The following IL26 variants were observed in gnomAD, a reference collection of about 807,000 sequenced individuals.
IL26 encodes the protein interleukin-26.
IL26 carries 23 observed loss-of-function variants against 21.7 expected under a neutral mutation model. The ratio of observed to expected loss-of-function variants is 1.06; its 90% CI spans 0.76 to 1.50. IL26 has a LOEUF of 1.50. IL26 is among the 40% of genes most tolerant of loss of function. The pLI is 0.00. For missense variants in IL26, 204 were observed against 196.0 expected, an observed-to-expected ratio of 1.04 and a Z score of -0.24; for synonymous variants, 63 against 67.8, an observed-to-expected ratio of 0.93 and a Z score of 0.34.
intron 3 of IL26, among the ~76,000 whole-genome samples, chr12:68,221,042 C>T (rs768896900): frequency 2.0e-5 from 3 of 152,196 alleles, no homozygotes; most frequent in Non-Finnish European, 4.4e-5. Flanking sequence ...TTTATGCCCT[C>T]AAGTCTCCCC....
At chr12:68,211,656 T>C (rs961383489) in intron 3 of IL26, among the ~76,000 whole-genome samples, 2 of 152,120 alleles carry the variant, frequency 1.3e-5, no homozygotes, top group African/African-American at 2.4e-5. Context: ...ATTAGTGATA[T>C]TGAGTATTTT....
At chr12:68,222,834 T>C (rs759850508) in intron 3 of IL26, among the ~76,000 whole-genome samples, 18 of 150,192 alleles carry the variant, frequency 1.2e-4, no homozygotes, top group Non-Finnish European at 2.3e-4. Flanking sequence ...CAAGTATAAT[T>C]AGTTTCAATA....
rs574502101 is a variant in IL26, at chr12:68,208,457, A to G, written c.364-6374T>C. Among the ~76,000 whole-genome samples the G allele has an allele frequency of 1.1e-4, 16 of 151,860 alleles. No individual in the cohort carries two copies. In the South Asian group the frequency reaches 3.3e-3, roughly 32 times the overall value. ...GCAGCACCAATCACAACTTGAGACT[A>G]GCCAAGATGGGAAGAAAGCATTTTC... On this transcript the variant is annotated intron_variant, in intron 3 of 4. Coordinates refer to ENST00000229134, the MANE Select transcript of IL26 (RefSeq NM_018402.2).
intron 3 of IL26, among the ~76,000 whole-genome samples, chr12:68,208,198 A>C (rs778665481): frequency 2.0e-5 from 3 of 152,202 alleles, no homozygotes; most frequent in Non-Finnish European, 2.9e-5. Flanking sequence ...GAGACAGAGG[A>C]GAGGTAACCT....
chr12:68,210,638 AG>A (rs1264147008), intron 3 of IL26, among the ~76,000 whole-genome samples: 1 of 152,136 alleles, frequency 6.6e-6, no homozygotes, highest in African/African-American at 2.4e-5. Context: ...TGAACAGAAA[AG>A]TTTACAAAAC....
At chr12:68,216,275 G>A (rs1304134341) in intron 3 of IL26, among the ~76,000 whole-genome samples, 1 of 151,882 alleles carries the variant, frequency 6.6e-6, no homozygotes, top group Non-Finnish European at 1.5e-5. Flanking sequence ...TGACAACACA[G>A]CAAGACTCCG....
At chr12:68,217,157 T>C (rs1868908257) in intron 3 of IL26, among the ~76,000 whole-genome samples, 1 of 152,236 alleles carries the variant, frequency 6.6e-6, no homozygotes, top group African/African-American at 2.4e-5. Context: ...ATATATTTTA[T>C]TAGGTGCTGC....
At position 68,224,004 on chromosome 12, in the gene IL26, C is replaced by G. The variant is rs76094405; in HGVS notation, c.363+1145G>C. Among the ~76,000 whole-genome samples the G allele has an allele frequency of 4.2e-3, 608 of 146,090 alleles. 4 individuals are homozygous for G. The highest frequency in any genetic ancestry group is 0.014 in the African/African-American group (550 of 38,794). ...GGTTACGGAGCACTTTAGTTGACCACAAGAAAAAAACATCTTAACTCTTAA... is the reference window on the plus strand; with the variant it reads ...GGTTACGGAGCACTTTAGTTGACCAGAAGAAAAAAACATCTTAACTCTTAA... On this transcript the variant is annotated intron_variant, in intron 3 of 4. Transcript: ENST00000229134.
At chr12:68,220,259 T>A (rs11571001) in intron 3 of IL26, among the ~76,000 whole-genome samples, 4,795 of 152,190 alleles carry the variant, frequency 0.032, 257 homozygotes, top group African/African-American at 0.11. Flanking sequence ...AAGAAAACCG[T>A]AGACTAACAT....
At chr12:68,207,030 G>A (rs1868562738) in intron 3 of IL26, among the ~76,000 whole-genome samples, 1 of 152,080 alleles carries the variant, frequency 6.6e-6, no homozygotes, top group South Asian at 2.1e-4. Flanking sequence ...TCATATCAGG[G>A]TCTATAGATG....
chr12:68,221,512 C>T (rs567002749), intron 3 of IL26, among the ~76,000 whole-genome samples: 58 of 152,294 alleles, frequency 3.8e-4, no homozygotes, highest in African/African-American at 1.3e-3. Flanking sequence ...ACCAGTTGCT[C>T]ACCATGAGCA....
At chr12:68,203,149 G>A (rs1490893286) in intron 3 of IL26, among the ~76,000 whole-genome samples, 2 of 152,216 alleles carry the variant, frequency 1.3e-5, no homozygotes, top group African/African-American at 4.8e-5. Context: ...ATCTCGAGCA[G>A]CTGGCTTGTA....
At chr12:68,203,208 C>T (rs891238239) in intron 3 of IL26, among the ~76,000 whole-genome samples, 1 of 152,164 alleles carries the variant, frequency 6.6e-6, no homozygotes, top group Admixed American at 6.5e-5. Context: ...CAAGTGAATT[C>T]TCAAACCCTA....
chr12:68,214,839 T>TTGA (rs1868829299), intron 3 of IL26, among the ~76,000 whole-genome samples: 1 of 151,960 alleles, frequency 6.6e-6, no homozygotes, highest in South Asian at 2.1e-4. Context: ...AATGTTATCA[T>TTGA]TGATAGGTAA....
intron 3 of IL26, among the ~76,000 whole-genome samples, chr12:68,202,731 G>T (rs1592893411): frequency 6.6e-6 from 1 of 152,172 alleles, no homozygotes. Context: ...AATTCAAGAT[G>T]AGATTTGGGT....
In IL26 at chr12:68,207,852, C is replaced by T. The variant is rs913891848; in HGVS notation, c.364-5769G>A. Among the ~76,000 whole-genome samples, 30 of 152,018 alleles carry T rather than the reference C, an allele frequency of 2.0e-4. 1 individual carries two copies. Among genetic ancestry groups the T allele is most frequent in the Non-Finnish European group, 3.1e-4 (21 of 67,998 alleles). On this transcript the variant is annotated intron_variant, in intron 3 of 4. Transcript: ENST00000229134. ...TAGATTTGTGGATACTTCATGGTAG[C>T]AAATGATAAAATAGACTAGTACATA...
At chr12:68,214,897 T>A (rs991413609) in intron 3 of IL26, among the ~76,000 whole-genome samples, 26 of 147,232 alleles carry the variant, frequency 1.8e-4, no homozygotes, top group East Asian at 4.0e-4. Context: ...TTTTTTTTTT[T>A]ATTTCATTTT....
chr12:68,207,896 A>G (rs371694015), intron 3 of IL26, among the ~76,000 whole-genome samples: 1 of 83,274 alleles, frequency 1.2e-5, no homozygotes, highest in Non-Finnish European at 4.0e-5. Context: ...TTATGCATTA[A>G]TGACATATTT....
intron 3 of IL26, among the ~76,000 whole-genome samples, chr12:68,202,428 C>T (rs2120413883): frequency 6.6e-6 from 1 of 152,234 alleles, no homozygotes; most frequent in Non-Finnish European, 1.5e-5. Context: ...TTTCACACTG[C>T]TATAAATAAC....
Sources: gnomAD v4.1 joint callset for allele counts (sites outside exome capture counted in the v4.1 genomes callset) on GRCh38, gnomAD v4.1.1 for gene constraint, MANE v1.5 for transcripts, NCBI Gene and HGNC (gene_info 2026-07-23, HGNC 2026-07-21) for gene names.